Variants in IL1RAPL1 observed in about 807,000 individuals in gnomAD.
IL1RAPL1 encodes interleukin 1 receptor accessory protein like 1.
A neutral mutation model predicts 48.4 loss-of-function variants in IL1RAPL1; 3 were observed. That is an observed-to-expected ratio of 0.06 (90% confidence interval 0.03 to 0.16). The LOEUF is 0.16. Among genes scored for constraint, IL1RAPL1 ranks in the 10% least tolerant of loss-of-function variants. The pLI is 1.00. For missense variants in IL1RAPL1, 349 were observed against 530.6 expected, an observed-to-expected ratio of 0.66 and a Z score of 3.36; for synonymous variants, 185 against 187.7, an observed-to-expected ratio of 0.99 and a Z score of 0.12.
In IL1RAPL1 at chrX:29,175,487, T is replaced by C. The variant is rs545968914; in HGVS notation, c.83-107451T>C. Among the ~76,000 whole-genome samples the C allele has an allele frequency of 1.3e-4, 14 of 111,279 alleles. No homozygotes were observed. In the South Asian group the frequency reaches 4.5e-3, roughly 36 times the overall value. ...ACATACTGCCCTCTGGAGTTTTCCA[T>C]GCAGAAGAAGAAATAGAAAAATGAG... is the stretch of plus-strand genomic sequence containing the variant. On this transcript the variant is annotated intron_variant, in intron 2 of 10. Coordinates refer to ENST00000378993, the MANE Select transcript of IL1RAPL1 (RefSeq NM_014271.4).
chrX:29,435,593 A>G (rs763768100), intron 5 of IL1RAPL1, among the ~76,000 whole-genome samples: 8 of 110,587 alleles, frequency 7.2e-5, no homozygotes, highest in African/African-American at 2.6e-4. Context: ...TTATGAATGC[A>G]TTTGTGGTTT....
intron 2 of IL1RAPL1, among the ~76,000 whole-genome samples, chrX:28,812,850 C>G (rs1936809123): frequency 9.0e-6 from 1 of 110,625 alleles, no homozygotes; most frequent in Non-Finnish European, 1.9e-5. Context: ...ATTCTGTTAA[C>G]TCTTCCTACC....
chrX:29,785,747 A>G (rs921572955), intron 6 of IL1RAPL1, among the ~76,000 whole-genome samples: 2 of 111,964 alleles, frequency 1.8e-5, no homozygotes, highest in Non-Finnish European at 3.8e-5. Context: ...CTACAGATAT[A>G]CATAAGACTA....
chrX:29,035,031 TTTTG>T (rs1926702195), intron 2 of IL1RAPL1, among the ~76,000 whole-genome samples: 2 of 110,680 alleles, frequency 1.8e-5, no homozygotes, highest in East Asian at 2.9e-4. Flanking sequence ...ATTTTTTGTA[TTTTG>T]TTTGTTTGTT....
chrX:29,738,965 CAA>C (rs1928127337), intron 6 of IL1RAPL1, among the ~76,000 whole-genome samples: 1 of 112,515 alleles, frequency 8.9e-6, no homozygotes, highest in Admixed American at 9.4e-5. Context: ...CACCACAGAG[CAA>C]AGTTTTTGGT....
At chrX:29,481,619 A>T (rs1300092018) in intron 5 of IL1RAPL1, among the ~76,000 whole-genome samples, 1 of 111,764 alleles carries the variant, frequency 8.9e-6, no homozygotes, top group Non-Finnish European at 1.9e-5. Flanking sequence ...ATGTGGTGTT[A>T]TAAAGAGAGT....
At chrX:29,437,782 G>A (rs1215051937) in intron 5 of IL1RAPL1, among the ~76,000 whole-genome samples, 1 of 110,125 alleles carries the variant, frequency 9.1e-6, no homozygotes, top group East Asian at 2.8e-4. Flanking sequence ...CTTTGCTCTG[G>A]TGTATACTTC....
At chrX:28,613,645 A>G (rs1315208744) in intron 1 of IL1RAPL1, among the ~76,000 whole-genome samples, 1 of 112,571 alleles carries the variant, frequency 8.9e-6, no homozygotes, top group Non-Finnish European at 1.9e-5. Flanking sequence ...TCTCCAGGGA[A>G]GGTGACTGTC....
chrX:29,108,885 A>G (rs1928502563), intron 2 of IL1RAPL1, among the ~76,000 whole-genome samples: 1 of 111,693 alleles, frequency 9.0e-6, no homozygotes, highest in Non-Finnish European at 1.9e-5. Flanking sequence ...GATTCAATGA[A>G]GATTCATGAA....
intron 2 of IL1RAPL1, among the ~76,000 whole-genome samples, chrX:29,071,830 ATAATACT>A (rs1259333642): frequency 8.9e-6 from 1 of 112,369 alleles, no homozygotes; most frequent in African/African-American, 3.2e-5. Flanking sequence ...TTCTGAACTG[ATAATACT>A]TAGTAGGCCT....
chrX:28,752,081 A>G (rs1188345037), intron 1 of IL1RAPL1, among the ~76,000 whole-genome samples: 2 of 112,572 alleles, frequency 1.8e-5, no homozygotes, highest in Non-Finnish European at 3.7e-5. Context: ...AATGGGATCC[A>G]CATAAACTGG....
chrX:28,909,515 C>G (rs1923305728), intron 2 of IL1RAPL1, among the ~76,000 whole-genome samples: 1 of 111,240 alleles, frequency 9.0e-6, no homozygotes, highest in Non-Finnish European at 1.9e-5. Context: ...TTTTTATAAA[C>G]ATCTTCATTT....
At chrX:29,259,791 A>AT (rs1465765819) in intron 2 of IL1RAPL1, among the ~76,000 whole-genome samples, 12 of 111,445 alleles carry the variant, frequency 1.1e-4, no homozygotes, top group Middle Eastern at 4.7e-3. Flanking sequence ...ATCATGGGTC[A>AT]TTTTGCTTGT....
intron 3 of IL1RAPL1, among the ~76,000 whole-genome samples, chrX:29,363,503 T>C (rs1192637191): frequency 9.0e-6 from 1 of 111,523 alleles, no homozygotes; most frequent in East Asian, 2.8e-4. Context: ...AATTCAAAAT[T>C]TAGAAAAAAT....
At chrX:29,714,069 G>C (rs1927421487) in intron 6 of IL1RAPL1, among the ~76,000 whole-genome samples, 1 of 111,681 alleles carries the variant, frequency 9.0e-6, no homozygotes, top group Non-Finnish European at 1.9e-5. Flanking sequence ...TAGAATGCCA[G>C]ATAGCAACAG....
At chrX:28,640,506 C>T (rs755721133) in intron 1 of IL1RAPL1, among the ~76,000 whole-genome samples, 3 of 108,959 alleles carry the variant, frequency 2.8e-5, no homozygotes, top group South Asian at 4.1e-4. Context: ...CCACCACACC[C>T]GGCTAATTTT....
intron 2 of IL1RAPL1, among the ~76,000 whole-genome samples, chrX:28,792,989 A>G (rs1022355899): frequency 1.9e-5 from 2 of 104,533 alleles, no homozygotes; most frequent in East Asian, 3.0e-4. Context: ...TCTCTCAGGT[A>G]AAGTCCTAAA....
At chrX:29,924,767 AATG>A (rs1333822854) in intron 8 of IL1RAPL1, among the ~76,000 whole-genome samples, 2 of 112,026 alleles carry the variant, frequency 1.8e-5, no homozygotes, top group Non-Finnish European at 3.8e-5. Flanking sequence ...ACTAGTTAAT[AATG>A]ATAAACATCT....
chrX:29,092,442 A>G (rs1368926336), intron 2 of IL1RAPL1, among the ~76,000 whole-genome samples: 1 of 111,731 alleles, frequency 9.0e-6, no homozygotes, highest in Non-Finnish European at 1.9e-5. Flanking sequence ...CACCTTGTCT[A>G]TGTCTGCCAT....
Sources: allele counts gnomAD v4.1 joint callset (sites outside exome capture counted in the v4.1 genomes callset), GRCh38; gene constraint gnomAD v4.1.1; transcripts MANE v1.5; gene names NCBI Gene and HGNC (gene_info 2026-07-23, HGNC 2026-07-21).